The following GMDS variants were observed in gnomAD, a reference collection of about 807,000 sequenced individuals.
The protein encoded by GMDS is GDP-mannose 4,6 dehydratase.
GMDS carries 20 observed loss-of-function variants against 49.9 expected under a neutral mutation model. That is an observed-to-expected ratio of 0.40 (90% confidence interval 0.28 to 0.58). The LOEUF (loss-of-function observed/expected upper bound fraction) is 0.58. Among genes scored for constraint, GMDS ranks in the 20% least tolerant of loss-of-function variants. GMDS has a pLI of 0.42. For synonymous variants in GMDS, 177 were observed against 178.6 expected, an observed-to-expected ratio of 0.99 and a Z score of 0.07; for missense variants, 362 against 481.4, an observed-to-expected ratio of 0.75 and a Z score of 2.32.
At chr6:2,184,793 A>G (rs1275875834) in intron 1 of GMDS, among the ~76,000 whole-genome samples, 2 of 152,222 alleles carry the variant, frequency 1.3e-5, no homozygotes, top group African/African-American at 4.8e-5. Flanking sequence ...CTATCATATT[A>G]CCATAAAAGT....
chr6:2,219,673 G>A (rs971344199), intron 1 of GMDS, among the ~76,000 whole-genome samples: 12 of 152,094 alleles, frequency 7.9e-5, no homozygotes, highest in Admixed American at 7.9e-4. Flanking sequence ...GTAACAAACA[G>A]AGCACCGACC....
chr6:1,718,316 C>T (rs1053394498), intron 9 of GMDS, among the ~76,000 whole-genome samples: 3 of 152,160 alleles, frequency 2.0e-5, no homozygotes, highest in Admixed American at 1.3e-4. Context: ...GGGAGTGTGA[C>T]GGAACACCTC....
chr6:1,974,250 T>C (rs1764773842), intron 4 of GMDS, among the ~76,000 whole-genome samples: 1 of 151,550 alleles, frequency 6.6e-6, no homozygotes. Context: ...AACATTTTAT[T>C]GAAAGACTTG....
intron 1 of GMDS, among the ~76,000 whole-genome samples, chr6:2,223,166 C>T (rs12214100): frequency 4.0e-5 from 6 of 151,760 alleles, no homozygotes; most frequent in Non-Finnish European, 7.4e-5. Flanking sequence ...TATATACACA[C>T]ATATATATAT....
chr6:2,056,668 G>A (rs1302988271), intron 4 of GMDS, among the ~76,000 whole-genome samples: 2 of 152,160 alleles, frequency 1.3e-5, no homozygotes, highest in Admixed American at 1.3e-4. Context: ...TCCAGGATTA[G>A]AATATAGAGA....
chr6:2,238,145 G>C (rs2127599813), intron 1 of GMDS, among the ~76,000 whole-genome samples: 1 of 150,054 alleles, frequency 6.7e-6, no homozygotes, highest in South Asian at 2.1e-4. Flanking sequence ...ATCAGCACTT[G>C]GGAGGCCAAG....
intron 1 of GMDS, among the ~76,000 whole-genome samples, chr6:2,236,626 A>G (rs1481276702): frequency 6.6e-6 from 1 of 152,242 alleles, no homozygotes; most frequent in Non-Finnish European, 1.5e-5. Flanking sequence ...CATCATTTTT[A>G]AAGAACCGAT....
chr6:1,624,192 T>A lies in GMDS; in HGVS notation c.1096A>T (p.Met366Leu). The change falls in exon 11 of 11, where the codon ATG becomes TTG. Residue 366 changes from methionine (M) to leucine (L), a missense_variant. Met to Leu is a conservative substitution (Grantham distance 15). Transcript: ENST00000380815. ...REMVHADVEL[M>L]RTNPNA ...GCTCAGGCATTGGGGTTTGTCCTCA[T>A]GAGCTCCACGTCGGCGTGCACCATC... 1 of 1,609,030 alleles carries A rather than the reference T, an allele frequency of 6.2e-7. No homozygotes were observed. Among genetic ancestry groups the A allele is most frequent in the Non-Finnish European group, 8.5e-7 (1 of 1,178,218 alleles).
At chr6:2,125,275 TAAAACAAAAC>T (rs374647835) in intron 1 of GMDS, among the ~76,000 whole-genome samples, 38 of 151,336 alleles carry the variant, frequency 2.5e-4, no homozygotes, top group Middle Eastern at 3.4e-3. Flanking sequence ...TTAGCACTGT[TAAAACAAAAC>T]AAAACAAAAC....
At chr6:1,849,829 A>G (rs1757577513) in intron 7 of GMDS, among the ~76,000 whole-genome samples, 1 of 152,204 alleles carries the variant, frequency 6.6e-6, no homozygotes, top group Non-Finnish European at 1.5e-5. Flanking sequence ...TATTATGGTG[A>G]CACAGTTTTG....
chr6:1,946,319 A>G (rs1208034054), intron 6 of GMDS, among the ~76,000 whole-genome samples: 2 of 152,192 alleles, frequency 1.3e-5, no homozygotes, highest in Non-Finnish European at 2.9e-5. Flanking sequence ...GTCAAACCAC[A>G]TGAGTCCAAA....
chr6:2,048,729 T>C (rs1347575469), intron 4 of GMDS, among the ~76,000 whole-genome samples: 1 of 152,224 alleles, frequency 6.6e-6, no homozygotes, highest in Non-Finnish European at 1.5e-5. Flanking sequence ...TCTTGTGATC[T>C]TGCATATTTT....
chr6:1,809,087 C>A (rs1770304014), intron 7 of GMDS, among the ~76,000 whole-genome samples: 1 of 152,054 alleles, frequency 6.6e-6, no homozygotes, highest in Non-Finnish European at 1.5e-5. Context: ...TTCTTTATAG[C>A]CTGGATTTAC....
chr6:1,877,010 C>A (rs532358394), intron 7 of GMDS, among the ~76,000 whole-genome samples: 1 of 152,344 alleles, frequency 6.6e-6, no homozygotes, highest in South Asian at 2.1e-4. Context: ...AGTTCTGGCT[C>A]TGGTCTCTGA....
chr6:2,062,641 CAA>C (rs2127448808), intron 4 of GMDS, among the ~76,000 whole-genome samples: 1 of 152,040 alleles, frequency 6.6e-6, no homozygotes, highest in South Asian at 2.1e-4. Context: ...TTCAAAAAAA[CAA>C]AAGTCAAGAT....
intron 9 of GMDS, among the ~76,000 whole-genome samples, chr6:1,645,385 C>G (rs995072658): frequency 6.6e-6 from 1 of 152,216 alleles, no homozygotes; most frequent in African/African-American, 2.4e-5. Context: ...AAATATCCCA[C>G]GGATGCTGTC....
chr6:2,093,572 C>T (rs551452303), intron 4 of GMDS, among the ~76,000 whole-genome samples: 30 of 151,966 alleles, frequency 2.0e-4, no homozygotes, highest in African/African-American at 7.0e-4. Context: ...TTATAATGCT[C>T]AATATAAATA....
At chr6:2,037,601 T>A (rs930547900) in intron 4 of GMDS, among the ~76,000 whole-genome samples, 1 of 152,196 alleles carries the variant, frequency 6.6e-6, no homozygotes, top group Non-Finnish European at 1.5e-5. Flanking sequence ...GGTGATGGCA[T>A]CAATGTCTAC....
chr6:1,752,690 G>A (rs550662981), intron 7 of GMDS, among the ~76,000 whole-genome samples: 4 of 152,240 alleles, frequency 2.6e-5, no homozygotes, highest in Non-Finnish European at 4.4e-5. Context: ...CAGATCTCTC[G>A]GCAGAAACCC....
Sources: gnomAD v4.1 joint callset for allele counts (sites outside exome capture counted in the v4.1 genomes callset) on GRCh38, gnomAD v4.1.1 for gene constraint, MANE v1.5 for transcripts, NCBI Gene and HGNC (gene_info 2026-07-23, HGNC 2026-07-21) for gene names.